ZNF274: variants seen among roughly 807,000 people sequenced by gnomAD.
The protein encoded by ZNF274 is zinc finger protein 274.
Under a neutral mutation model 42.5 loss-of-function variants are expected in ZNF274, and 23 were observed. The ratio of observed to expected loss-of-function variants is 0.54; its 90% CI spans 0.39 to 0.77. ZNF274 has a LOEUF of 0.77. Ranked by LOEUF, ZNF274 falls within the 30% of genes least tolerant of loss-of-function variation. The pLI is 0.00. For missense variants in ZNF274, 679 were observed against 806.5 expected, an observed-to-expected ratio of 0.84 and a Z score of 1.91; for synonymous variants, 292 against 305.4, an observed-to-expected ratio of 0.96 and a Z score of 0.46.
chr19:58,184,251 C>T, intron 2 of ZNF274: 2 of 485,996 alleles, frequency 4.1e-6, no homozygotes, highest in East Asian at 3.5e-5. Context: ...TTGCTTGTAT[C>T]CTTTATATTG....
intron 4 of ZNF274, among the ~76,000 whole-genome samples, chr19:58,197,349 C>T (rs1386352085): frequency 6.6e-6 from 1 of 152,186 alleles, no homozygotes; most frequent in African/African-American, 2.4e-5. Context: ...AAAATATACA[C>T]TGAAAAGAAC....
chr19:58,192,818 C>T (rs964452854), intron 4 of ZNF274, among the ~76,000 whole-genome samples: 1 of 152,180 alleles, frequency 6.6e-6, no homozygotes, highest in Admixed American at 6.5e-5. Flanking sequence ...GATCATGGCT[C>T]ACTGCAGCCT....
At chr19:58,199,548 C>CT (rs1269014084) in intron 4 of ZNF274, among the ~76,000 whole-genome samples, 8 of 152,296 alleles carry the variant, frequency 5.3e-5, no homozygotes, top group African/African-American at 1.7e-4. Context: ...TGGTGAAACT[C>CT]TGTCTCTACT....
chr19:58,206,914 G>A lies in ZNF274; in HGVS notation c.451G>A (p.Gly151Ser). 6.2e-7 allele frequency: 1 copy of A among 1,613,396 alleles called. No homozygotes were observed. The highest frequency in any genetic ancestry group is 2.2e-5 in the East Asian group (1 of 44,868). Residue 151 changes from glycine (G) to serine (S), a missense_variant, in exon 5 of 8, where the codon GGC becomes AGC. Physicochemically the swap from Gly to Ser is moderately conservative, Grantham distance 56. Coordinates refer to ENST00000617501, the MANE Select transcript of ZNF274 (RefSeq NM_133502.3). The stretch of plus-strand genomic sequence containing the variant: ...CCCCAGTGAGCAGGTCCAACAGCAG[G>A]GCAAGCATCCAGGTGACCCTGAGGC... Reference protein sequence around the residue: ...DAPSEQVQQQGKHPGDPEAAR... With the variant: ...DAPSEQVQQQSKHPGDPEAAR...
intron 4 of ZNF274, among the ~76,000 whole-genome samples, chr19:58,194,062 A>G (rs1199114024): frequency 2.0e-5 from 3 of 152,154 alleles, no homozygotes; most frequent in Non-Finnish European, 4.4e-5. Flanking sequence ...CAGATGTTTG[A>G]GATCAGCTTG....
chr19:58,185,148 G>A (rs1315514945), intron 2 of ZNF274, among the ~76,000 whole-genome samples: 6 of 149,426 alleles, frequency 4.0e-5, no homozygotes, highest in South Asian at 2.1e-4. Flanking sequence ...AAATAGGGCC[G>A]GGTGCGGTGG....
In ZNF274 at chr19:58,198,126, A is replaced by AG. The variant is rs1491119413; in HGVS notation, c.257-8593dup. Among the ~76,000 whole-genome samples, 9 of 152,338 alleles carry AG rather than the reference A, an allele frequency of 5.9e-5. No homozygotes were observed. The East Asian group carries it at 1.5e-3, about 26-fold the overall frequency. ...GGAACAATGGCTTTAAGAAAAAAAA[A>AG]GAAGAATAAATGAGTCAGAAATAGA... On this transcript the variant is annotated intron_variant, in intron 4 of 7. Transcript: ENST00000617501.
chr19:58,209,920 C>G, intron 5 of ZNF274, 41 bp from the exon 6 acceptor site: 1 of 1,512,888 alleles, frequency 6.6e-7, no homozygotes, highest in Non-Finnish European at 9.1e-7. Flanking sequence ...CCTAAGGGTC[C>G]CCACACCTGC....
At chr19:58,202,911 T>C (rs1272356732) in intron 4 of ZNF274, among the ~76,000 whole-genome samples, 1 of 152,002 alleles carries the variant, frequency 6.6e-6, no homozygotes, top group Admixed American at 6.6e-5. Flanking sequence ...TTATGATAAC[T>C]GTGTACAGAA....
At chr19:58,200,481 G>A (rs191413014) in intron 4 of ZNF274, among the ~76,000 whole-genome samples, 58 of 152,300 alleles carry the variant, frequency 3.8e-4, no homozygotes, top group African/African-American at 9.9e-4. Context: ...GGGGACAAGC[G>A]AGGTACGGGT....
intron 2 of ZNF274, 90 bp from the exon 3 acceptor site, chr19:58,185,622 T>A: frequency 7.5e-7 from 1 of 1,336,170 alleles, no homozygotes; most frequent in East Asian, 2.8e-5. Flanking sequence ...TAGACCATTC[T>A]GTGCTTTCAC....
At chr19:58,206,013 G>A (rs1383195790) in intron 4 of ZNF274, among the ~76,000 whole-genome samples, 1 of 152,190 alleles carries the variant, frequency 6.6e-6, no homozygotes, top group Non-Finnish European at 1.5e-5. Flanking sequence ...TTGTACAGCT[G>A]TCACTACTGT....
chr19:58,204,394 C>A (rs892301879), intron 4 of ZNF274, among the ~76,000 whole-genome samples: 7 of 152,072 alleles, frequency 4.6e-5, no homozygotes, highest in African/African-American at 1.4e-4. Flanking sequence ...TAGGCGTCGA[C>A]CCATTTCGTC....
At chr19:58,188,694 G>GTATATGTATATGTATATGTA (rs1221412961) in intron 4 of ZNF274, among the ~76,000 whole-genome samples, 50 of 74,650 alleles carry the variant, frequency 6.7e-4, no homozygotes, top group African/African-American at 2.1e-3. Context: ...ATATGTATAT[G>GTATATGTATATGTATATGTA]TATATATATA....
chr19:58,212,071 A>T lies in ZNF274; in HGVS notation c.980-90A>T. 1.4e-6 allele frequency: 2 copies of T among 1,459,504 alleles called. No individual in the cohort carries two copies. The highest frequency in any genetic ancestry group is 1.8e-6 in the Non-Finnish European group (2 of 1,098,390). 90.4% of individuals were successfully genotyped at this position (1,459,504 alleles called of 1,614,324 possible). A position where few individuals can be genotyped will look rare whatever the true frequency, so the allele number is the denominator to read the frequency against. On this transcript the variant is annotated intron_variant, in intron 7 of 7. Coordinates refer to ENST00000617501, the MANE Select transcript of ZNF274 (RefSeq NM_133502.3). The surrounding 1 kb of genome is among the most constrained non-coding windows in gnomAD (Gnocchi z 4.6). Reference sequence around the variant, plus strand: ...TATTTGGGAGAAAAAAAAAATCCTGACTTTTGAACTTAATTATGCATTTCA... The same window carrying T: ...TATTTGGGAGAAAAAAAAAATCCTGTCTTTTGAACTTAATTATGCATTTCA...
chr19:58,212,047 A>C lies in ZNF274; in HGVS notation c.980-114A>C. 1.5e-6 allele frequency: 2 copies of C among 1,312,358 alleles called. No individual in the cohort carries two copies. The highest frequency in any genetic ancestry group is 1.0e-6 in the Non-Finnish European group (1 of 967,922). The allele number at this position is 1,312,358 out of a possible 1,614,324, so 81.3% of individuals were successfully genotyped here. The stretch of plus-strand genomic sequence containing the variant: ...GTCTCTCTCCAGGTTGCATGACTCT[A>C]TTTGGGAGAAAAAAAAAATCCTGAC... On this transcript the variant is annotated intron_variant, in intron 7 of 7. Transcript: ENST00000617501. This position sits in a 1 kb window ranked among gnomAD's most constrained non-coding sequence, Gnocchi z 4.6.
intron 4 of ZNF274, among the ~76,000 whole-genome samples, chr19:58,203,598 A>G (rs1396296591): frequency 1.3e-5 from 2 of 150,810 alleles, no homozygotes; most frequent in African/African-American, 4.9e-5. Context: ...AAAAAAAAAG[A>G]AAAAAACGCT....
At chr19:58,194,736 G>A (rs967674446) in intron 4 of ZNF274, among the ~76,000 whole-genome samples, 1 of 139,722 alleles carries the variant, frequency 7.2e-6, no homozygotes, top group Non-Finnish European at 1.6e-5. Flanking sequence ...GGCCGGGCGC[G>A]GTGGCTGATG....
chr19:58,188,218 C>T (rs932292139), intron 4 of ZNF274, among the ~76,000 whole-genome samples: 1 of 151,814 alleles, frequency 6.6e-6, no homozygotes, highest in Admixed American at 6.6e-5. Flanking sequence ...CTGGTAGTGA[C>T]AAATTGCCAT....
Sources: allele counts gnomAD v4.1 joint callset (sites outside exome capture counted in the v4.1 genomes callset), GRCh38; gene constraint gnomAD v4.1.1; non-coding constraint Gnocchi (gnomAD v3.1); transcripts MANE v1.5; gene names NCBI Gene and HGNC (gene_info 2026-07-23, HGNC 2026-07-21).